HMGCLL1: variants seen among roughly 807,000 people sequenced by gnomAD.
HMGCLL1 encodes 3-hydroxymethyl-3-methylglutaryl-CoA lyase, cytoplasmic.
In HMGCLL1, 36 loss-of-function variants were observed where a neutral mutation model predicts 39.1. The observed-to-expected ratio is 0.92, with a 90% CI of 0.71 to 1.22. The LOEUF is 1.22. Ranked by LOEUF, HMGCLL1 falls within the 50% of genes most tolerant of loss-of-function variation. HMGCLL1 has a pLI of 0.00. For synonymous variants in HMGCLL1, 149 were observed against 144.0 expected, an observed-to-expected ratio of 1.03 and a Z score of -0.25; for missense variants, 451 against 416.5, an observed-to-expected ratio of 1.08 and a Z score of -0.72.
At chr6:55,632,369 C>G in the HMGCLL1 span, among the ~76,000 whole-genome samples, 80 of 151,096 alleles carry the variant, frequency 5.3e-4, no homozygotes, top group African/African-American at 1.8e-3. Flanking sequence ...TTGGTCATGG[C>G]ATCTAATTGA....
intron 1 of HMGCLL1, among the ~76,000 whole-genome samples, chr6:55,568,839 G>A (rs1424542136): frequency 6.7e-6 from 1 of 148,246 alleles, no homozygotes; most frequent in East Asian, 2.0e-4. Flanking sequence ...TGGTTGATTA[G>A]GGGAAGTAAA....
the HMGCLL1 span, among the ~76,000 whole-genome samples, chr6:55,588,250 T>G: frequency 6.6e-6 from 1 of 151,882 alleles, no homozygotes; most frequent in African/African-American, 2.4e-5. Flanking sequence ...ATGAAGAAAC[T>G]CACTCAAAAC....
At chr6:55,554,584 G>A (rs934289199) in intron 1 of HMGCLL1, among the ~76,000 whole-genome samples, 1 of 152,022 alleles carries the variant, frequency 6.6e-6, no homozygotes, top group Middle Eastern at 3.2e-3. Flanking sequence ...AAATGTATCA[G>A]AATTTTCAGA....
intron 7 of HMGCLL1, among the ~76,000 whole-genome samples, chr6:55,487,793 A>G (rs1176066103): frequency 6.6e-6 from 1 of 152,050 alleles, no homozygotes; most frequent in Non-Finnish European, 1.5e-5. Context: ...CCCTGATTAA[A>G]AACCTCCAGT....
the HMGCLL1 span, among the ~76,000 whole-genome samples, chr6:55,646,482 G>C: frequency 2.6e-5 from 4 of 151,644 alleles, no homozygotes; most frequent in Admixed American, 2.6e-4. Flanking sequence ...TGCATATTAG[G>C]TTCTTCTTTA....
intron 7 of HMGCLL1, among the ~76,000 whole-genome samples, chr6:55,460,985 T>C (rs1217520770): frequency 6.6e-6 from 1 of 151,980 alleles, no homozygotes; most frequent in Non-Finnish European, 1.5e-5. Flanking sequence ...TATTTTTTCA[T>C]GAAAAGCAAC....
intron 5 of HMGCLL1, among the ~76,000 whole-genome samples, chr6:55,501,407 A>C (rs1159839495): frequency 1.3e-5 from 2 of 151,890 alleles, no homozygotes; most frequent in East Asian, 3.9e-4. Context: ...GTTGCAACAG[A>C]AATCATCTGA....
intron 1 of HMGCLL1, among the ~76,000 whole-genome samples, chr6:55,561,914 A>T (rs1770967830): frequency 6.6e-6 from 1 of 152,134 alleles, no homozygotes; most frequent in African/African-American, 2.4e-5. Context: ...CGATAAACTA[A>T]ATGATGGAAG....
chr6:55,574,068 CTT>C (rs1187092591), intron 1 of HMGCLL1, among the ~76,000 whole-genome samples: 1 of 151,824 alleles, frequency 6.6e-6, no homozygotes, highest in Non-Finnish European at 1.5e-5. Context: ...TTAGATAAAA[CTT>C]ATGTTTATAG....
intron 1 of HMGCLL1, among the ~76,000 whole-genome samples, chr6:55,567,287 T>A (rs111684624): frequency 0.019 from 2,861 of 150,226 alleles, 98 homozygotes; most frequent in African/African-American, 0.067. Flanking sequence ...TGAAAAAAAA[T>A]GTATAAAACA....
At chr6:55,444,979 A>G (rs532660293) in intron 7 of HMGCLL1, among the ~76,000 whole-genome samples, 134 of 152,126 alleles carry the variant, frequency 8.8e-4, no homozygotes, top group African/African-American at 3.0e-3. Context: ...CTAGACACAG[A>G]TTCTCTTTCA....
chr6:55,520,874 T>C (rs1297337912), intron 3 of HMGCLL1, among the ~76,000 whole-genome samples: 1 of 82,616 alleles, frequency 1.2e-5, no homozygotes, highest in Non-Finnish European at 2.8e-5. Flanking sequence ...TGTATATCTC[T>C]AGCCAAAAAA....
the HMGCLL1 span, among the ~76,000 whole-genome samples, chr6:55,629,892 T>C: frequency 6.6e-6 from 1 of 152,192 alleles, no homozygotes. Flanking sequence ...TGTATGGAAA[T>C]GCCTGGATGT....
At chr6:55,668,437 A>G in the HMGCLL1 span, among the ~76,000 whole-genome samples, 3 of 151,914 alleles carry the variant, frequency 2.0e-5, no homozygotes, top group Admixed American at 6.6e-5. Context: ...ACTGTAAGTT[A>G]GGGGCTCTGG....
chr6:55,634,112 A>G, the HMGCLL1 span, among the ~76,000 whole-genome samples: 1 of 151,924 alleles, frequency 6.6e-6, no homozygotes, highest in Non-Finnish European at 1.5e-5. Flanking sequence ...ATCCTCAGTG[A>G]TAGAAAGCAA....
chr6:55,673,404 C>G, the HMGCLL1 span, among the ~76,000 whole-genome samples: 1 of 151,422 alleles, frequency 6.6e-6, no homozygotes, highest in Non-Finnish European at 1.5e-5. Flanking sequence ...CAATGATTAC[C>G]AATATTACAA....
chr6:55,601,659 C>CT, the HMGCLL1 span, among the ~76,000 whole-genome samples: 1,245 of 152,068 alleles, frequency 8.2e-3, 12 homozygotes, highest in Non-Finnish European at 0.012. Flanking sequence ...GCCCTAAAAA[C>CT]TTTTTTTTCC....
chr6:55,649,991 T>C, the HMGCLL1 span, among the ~76,000 whole-genome samples: 1 of 148,038 alleles, frequency 6.8e-6, no homozygotes, highest in East Asian at 2.0e-4. Flanking sequence ...GAATTCCTTC[T>C]CTGTGTTACC....
intron 5 of HMGCLL1, among the ~76,000 whole-genome samples, chr6:55,509,016 A>G (rs1767306237): frequency 6.6e-6 from 1 of 151,866 alleles, no homozygotes; most frequent in Admixed American, 6.6e-5. Context: ...ACAAATATTA[A>G]CTGCTGCTGG....
Sources: allele counts gnomAD v4.1 joint callset (sites outside exome capture counted in the v4.1 genomes callset), GRCh38; gene constraint gnomAD v4.1.1; transcripts MANE v1.5; gene names NCBI Gene and HGNC (gene_info 2026-07-23, HGNC 2026-07-21).